CAMK1D: variants seen among roughly 807,000 people sequenced by gnomAD.
CAMK1D encodes the protein calcium/calmodulin dependent protein kinase ID.
A neutral mutation model predicts 47.7 loss-of-function variants in CAMK1D; 9 were observed. The ratio of observed to expected loss-of-function variants is 0.19; its 90% CI spans 0.11 to 0.33. The LOEUF (loss-of-function observed/expected upper bound fraction) is 0.33, where lower values mean the gene tolerates loss of function less well. CAMK1D is among the 10% of genes least tolerant of loss of function. The pLI is 1.00. For missense variants in CAMK1D, 291 were observed against 488.7 expected (o/e 0.60, Z 3.81); for synonymous variants, 184 against 184.9 (o/e 0.99, Z 0.04).
chr10:12,423,648 C>A (rs764691976), intron 1 of CAMK1D, among the ~76,000 whole-genome samples: 1 of 152,212 alleles, frequency 6.6e-6, no homozygotes, highest in African/African-American at 2.4e-5. Flanking sequence ...GGTCTGGAAG[C>A]GTCAGCGGCA....
At chr10:12,651,783 CTT>C (rs879916950) in intron 2 of CAMK1D, among the ~76,000 whole-genome samples, 4 of 144,966 alleles carry the variant, frequency 2.8e-5, no homozygotes, top group East Asian at 4.1e-4. Context: ...TTGGAAATAA[CTT>C]TTTTTTTTTT....
intron 2 of CAMK1D, among the ~76,000 whole-genome samples, chr10:12,579,397 G>A (rs924221581): frequency 6.6e-6 from 1 of 152,204 alleles, no homozygotes; most frequent in Middle Eastern, 3.4e-3. Context: ...CATCCATCAT[G>A]TATTACTTAA....
intron 2 of CAMK1D, among the ~76,000 whole-genome samples, chr10:12,574,497 T>TTTTTTTTTTTTTTTA (rs368308201): frequency 7.8e-6 from 1 of 128,720 alleles, no homozygotes; most frequent in African/African-American, 3.1e-5. Flanking sequence ...TTTTTTTTTT[T>TTTTTTTTTTTTTTTA]AGTAGAGACG....
intron 3 of CAMK1D, among the ~76,000 whole-genome samples, chr10:12,695,053 TAG>T (rs1564499826): frequency 1.6e-5 from 2 of 125,486 alleles, no homozygotes; most frequent in East Asian, 4.5e-4. Context: ...GATAGATAGA[TAG>T]ATAGATAGAT....
rs2131140078 is a variant in CAMK1D, at chr10:12,829,377, T to C, written c.*490T>C. On this transcript the variant is annotated 3_prime_UTR_variant, in exon 11 of 11. Coordinates refer to ENST00000619168, the MANE Select transcript of CAMK1D (RefSeq NM_153498.4). ...CTTTTCCTCTTTAATAGTAGTTTTA[T>C]GTTAACCTTTAAGAGATTTGTTTTT... 2.0e-5 allele frequency: 3 copies of C among 152,850 alleles called. No individual in the cohort carries two copies. In the South Asian group the frequency reaches 6.2e-4, roughly 32 times the overall value. 9.5% of individuals were successfully genotyped at this position (152,850 alleles called of 1,614,324 possible).
At chr10:12,828,690 C>G in intron 10 of CAMK1D, 79 bp from the exon 11 acceptor site, 2 of 1,202,114 alleles carry the variant, frequency 1.7e-6, no homozygotes, top group South Asian at 1.2e-5. Context: ...AAACCCAGCC[C>G]CTCTGACACC....
At chr10:12,463,022 C>G (rs1007541573) in intron 1 of CAMK1D, among the ~76,000 whole-genome samples, 2 of 152,004 alleles carry the variant, frequency 1.3e-5, no homozygotes, top group African/African-American at 4.8e-5. Context: ...CATCTTTTGT[C>G]AAAATTCTGT....
At chr10:12,427,298 CA>C (rs1003598219) in intron 1 of CAMK1D, among the ~76,000 whole-genome samples, 1 of 152,200 alleles carries the variant, frequency 6.6e-6, no homozygotes, top group Non-Finnish European at 1.5e-5. Context: ...CAAAAGGGGC[CA>C]GGGGAGGACC....
chr10:12,522,347 C>T (rs11257849), intron 1 of CAMK1D, among the ~76,000 whole-genome samples: 17,953 of 73,622 alleles, frequency 0.24, 2,952 homozygotes, highest in South Asian at 0.33. Context: ...CCCTGCGGCC[C>T]TCCGCAGTGT....
chr10:12,381,342 C>CTT (rs35503338), intron 1 of CAMK1D, among the ~76,000 whole-genome samples: 5 of 134,666 alleles, frequency 3.7e-5, no homozygotes, highest in Non-Finnish European at 4.8e-5. Context: ...ATAATGCTTT[C>CTT]TTTTTTTTTT....
In CAMK1D at chr10:12,553,329, T is replaced by C. The variant is rs1233023358; in HGVS notation, c.197T>C (p.Ile66Thr). The C allele has an allele frequency of 6.2e-7, 1 of 1,613,798 alleles. No homozygotes were observed. Among genetic ancestry groups the C allele is most frequent in the Non-Finnish European group, 8.5e-7 (1 of 1,179,898 alleles). ...GCGCTGAAGGGCAAGGAAAGCAGCATAGAGAATGAGATAGCCGTCCTGAGA... is the reference window on the plus strand; with the variant it reads ...GCGCTGAAGGGCAAGGAAAGCAGCACAGAGAATGAGATAGCCGTCCTGAGA... ...KKALKGKESS[I>T]ENEIAVLRKI... Residue 66 changes from isoleucine to threonine, a missense_variant, in exon 2 of 11, where the codon ATA becomes ACA. Physicochemically the swap from Ile to Thr is moderately conservative, Grantham distance 89. Around this residue, in one of 2 missense-constraint regions of CAMK1D, gnomAD observed 219 missense variants for 424.3 expected, o/e 0.52. Coordinates refer to ENST00000619168, the MANE Select transcript of CAMK1D (RefSeq NM_153498.4).
intron 1 of CAMK1D, among the ~76,000 whole-genome samples, chr10:12,395,999 G>A (rs1182708302): frequency 2.6e-5 from 4 of 151,680 alleles, no homozygotes; most frequent in Admixed American, 6.6e-5. Flanking sequence ...TCAGCCTCCC[G>A]AGTAGCTGGG....
chr10:12,368,211 A>AT (rs60299553), intron 1 of CAMK1D, among the ~76,000 whole-genome samples: 6 of 114,734 alleles, frequency 5.2e-5, no homozygotes, highest in African/African-American at 1.8e-4. Flanking sequence ...AAAAAAAAAA[A>AT]AAATAAAATA....
rs144149622 is a variant in CAMK1D, at chr10:12,498,482, C to G, written c.93-54743C>G. Among the ~76,000 whole-genome samples the G allele has an allele frequency of 7.2e-5, 11 of 152,326 alleles. No homozygotes were observed. In the East Asian group the frequency reaches 1.9e-3, roughly 27 times the overall value. On this transcript the variant is annotated intron_variant, in intron 1 of 10. Transcript: ENST00000619168. ...ACAGAGAGAGGTATTCAGGAACTCT[C>G]TGGCTGAGATATGGCTGAATCCCAT...
chr10:12,447,449 C>T (rs1832955165), intron 1 of CAMK1D, among the ~76,000 whole-genome samples: 1 of 152,130 alleles, frequency 6.6e-6, no homozygotes, highest in Admixed American at 6.6e-5. Flanking sequence ...TGCCTGTAAT[C>T]CCAACACTTT....
At chr10:12,570,137 T>C (rs994791560) in intron 2 of CAMK1D, among the ~76,000 whole-genome samples, 2 of 151,464 alleles carry the variant, frequency 1.3e-5, no homozygotes, top group Non-Finnish European at 2.9e-5. Context: ...GAGGTGGAGG[T>C]TGCAATGACC....
intron 3 of CAMK1D, among the ~76,000 whole-genome samples, chr10:12,674,888 T>G (rs879288241): frequency 5.3e-5 from 8 of 151,642 alleles, no homozygotes; most frequent in Non-Finnish European, 1.0e-4. Flanking sequence ...AAAAATTAGC[T>G]CGGTGTGATG....
At chr10:12,584,428 T>A (rs1237081898) in intron 2 of CAMK1D, among the ~76,000 whole-genome samples, 2 of 152,202 alleles carry the variant, frequency 1.3e-5, no homozygotes, top group African/African-American at 4.8e-5. Flanking sequence ...TGACTACACA[T>A]ATTTCTGTTG....
intron 1 of CAMK1D, among the ~76,000 whole-genome samples, chr10:12,404,698 AT>A (rs34265555): frequency 7.0e-4 from 102 of 145,826 alleles, no homozygotes; most frequent in Admixed American, 8.2e-4. Flanking sequence ...GTTTTTAAAA[AT>A]TTTTTTTTTT....
Sources: gnomAD v4.1 joint callset for allele counts (sites outside exome capture counted in the v4.1 genomes callset) on GRCh38, gnomAD v4.1.1 for gene constraint, gnomAD v4.1.1 regional missense constraint, MANE v1.5 for transcripts, NCBI Gene and HGNC (gene_info 2026-07-23, HGNC 2026-07-21) for gene names.